Variants in ALCAM observed in about 807,000 individuals in gnomAD.
The protein encoded by ALCAM is activated leukocyte cell adhesion molecule.
Under a neutral mutation model 70.9 loss-of-function variants are expected in ALCAM, and 30 were observed. The ratio of observed to expected loss-of-function variants is 0.42; its 90% CI spans 0.32 to 0.57. ALCAM has a LOEUF of 0.57. Ranked by LOEUF, ALCAM falls within the 20% of genes least tolerant of loss-of-function variation. ALCAM has a pLI of 0.11. For missense variants in ALCAM, 591 were observed against 695.1 expected, an observed-to-expected ratio of 0.85 and a Z score of 1.68; for synonymous variants, 249 against 242.5, an observed-to-expected ratio of 1.03 and a Z score of -0.25.
intron 1 of ALCAM, among the ~76,000 whole-genome samples, chr3:105,380,244 C>G (rs1195549864): frequency 6.6e-6 from 1 of 151,674 alleles, no homozygotes; most frequent in African/African-American, 2.4e-5. Context: ...ATCATCTTAT[C>G]TATTATTACT....
In ALCAM at chr3:105,389,656, G is replaced by A. The variant is rs1935760175; in HGVS notation, c.73+22175G>A. Among the ~76,000 whole-genome samples, 2 of 151,516 alleles carry A rather than the reference G, an allele frequency of 1.3e-5. 1 individual carries two copies. The highest frequency in any genetic ancestry group is 4.8e-5 in the African/African-American group (2 of 41,390). ...TGTTAAATAGGTAAATGTGTGGCAT[G>A]GTGATTTGCTGCACCTATCAACACA... On this transcript the variant is annotated intron_variant, in intron 1 of 15. Coordinates refer to ENST00000306107, the MANE Select transcript of ALCAM (RefSeq NM_001627.4).
intron 14 of ALCAM, among the ~76,000 whole-genome samples, chr3:105,554,225 T>C (rs771530048): frequency 2.6e-5 from 4 of 151,876 alleles, no homozygotes; most frequent in Non-Finnish European, 4.4e-5. Flanking sequence ...TTCCAGGCTA[T>C]GTCCAAAAGC....
At chr3:105,553,545 A>G (rs767920797) in intron 14 of ALCAM, among the ~76,000 whole-genome samples, 7 of 151,804 alleles carry the variant, frequency 4.6e-5, no homozygotes, top group African/African-American at 7.2e-5. Flanking sequence ...AGTTGACTTA[A>G]AAGAGAATCA....
At chr3:105,450,277 T>C (rs1937396292) in intron 1 of ALCAM, among the ~76,000 whole-genome samples, 1 of 152,140 alleles carries the variant, frequency 6.6e-6, no homozygotes, top group East Asian at 1.9e-4. Flanking sequence ...TTCTTCCTTT[T>C]CTCTTACTAT....
At chr3:105,556,589 A>T (rs1940522406) in intron 14 of ALCAM, among the ~76,000 whole-genome samples, 1 of 152,020 alleles carries the variant, frequency 6.6e-6, no homozygotes. Context: ...CTGAAGGGCT[A>T]AAGAGGACTT....
chr3:105,570,200 T>G (rs927737132), intron 14 of ALCAM, among the ~76,000 whole-genome samples: 2 of 152,102 alleles, frequency 1.3e-5, no homozygotes, highest in Non-Finnish European at 2.9e-5. Flanking sequence ...ATAACTGAAT[T>G]ATTTGAATAT....
At position 105,524,358 on chromosome 3, in the gene ALCAM, G is replaced by A. The variant is rs368193586; in HGVS notation, c.244G>A (p.Asp82Asn). The change falls in exon 3 of 16, where the codon GAT (aspartate) becomes AAT (asparagine). Residue 82 changes from aspartate (D) to asparagine (N), a missense_variant. Physicochemically the swap from Asp to Asn is conservative, Grantham distance 23. Transcript: ENST00000306107. The part of the protein sequence containing the change: ...SSTKKSVQYD[D>N]VPEYKDRLNL... The stretch of plus-strand genomic sequence containing the variant: ...TACAAAGAAAAGTGTGCAGTACGAC[G>A]ATGTACCAGAATACAAAGACAGATT... 35 of 1,613,976 alleles carry A rather than the reference G, an allele frequency of 2.2e-5. No individual in the cohort carries two copies. The highest frequency in any genetic ancestry group is 3.3e-5 in the South Asian group (3 of 91,072).
In ALCAM at chr3:105,503,882, C is replaced by G. The variant is rs546355531; in HGVS notation, c.74-16185C>G. On this transcript the variant is annotated intron_variant, in intron 1 of 15. Transcript: ENST00000306107. ...TCTTTCCACTTGAAGAAATTCTTAT[C>G]TGTGATGATTCAGTATAAATGTCCA... 4.6e-5 allele frequency among the ~76,000 whole-genome samples: 7 copies of G among 152,230 alleles called. No individual in the cohort carries two copies. In the East Asian group the frequency reaches 9.7e-4, roughly 21 times the overall value.
At chr3:105,520,002 GA>G in intron 1 of ALCAM, 64 bp from the exon 2 acceptor site, 2 of 1,048,526 alleles carry the variant, frequency 1.9e-6, no homozygotes, top group South Asian at 3.0e-5. Flanking sequence ...GTCATTTCAA[GA>G]AAGCATTTAA....
intron 1 of ALCAM, among the ~76,000 whole-genome samples, chr3:105,500,120 T>G (rs1344779915): frequency 6.6e-6 from 1 of 151,836 alleles, no homozygotes; most frequent in Non-Finnish European, 1.5e-5. Flanking sequence ...TCAGTTAATG[T>G]CTCCCAAATT....
At chr3:105,568,626 G>A (rs544757443) in intron 14 of ALCAM, among the ~76,000 whole-genome samples, 17 of 152,080 alleles carry the variant, frequency 1.1e-4, no homozygotes, top group Non-Finnish European at 1.9e-4. Context: ...TAGTGTATAC[G>A]CAAATTTGGA....
intron 1 of ALCAM, among the ~76,000 whole-genome samples, chr3:105,483,642 A>G (rs1184043244): frequency 6.6e-6 from 1 of 152,154 alleles, no homozygotes; most frequent in Non-Finnish European, 1.5e-5. Context: ...AGTGTTGCCA[A>G]AGCTGGATAT....
Position 105,380,953 on chromosome 3 carries a change from A to G in ALCAM, c.73+13472A>G, listed in dbSNP as rs116112237. On this transcript the variant is annotated intron_variant, in intron 1 of 15. Coordinates refer to ENST00000306107, the MANE Select transcript of ALCAM (RefSeq NM_001627.4). ...CATTTTATTGTGCTTACTTTCCATTATAGATCAGAGTTTGAGAATATGGTG... is the reference window on the plus strand; with the variant it reads ...CATTTTATTGTGCTTACTTTCCATTGTAGATCAGAGTTTGAGAATATGGTG... Among the ~76,000 whole-genome samples the G allele has an allele frequency of 5.7e-3, 862 of 152,034 alleles. 7 individuals are homozygous for G. Among genetic ancestry groups the G allele is most frequent in the African/African-American group, 0.02 (831 of 41,516 alleles).
intron 14 of ALCAM, among the ~76,000 whole-genome samples, chr3:105,566,045 A>G (rs1940737181): frequency 6.6e-6 from 1 of 152,218 alleles, no homozygotes; most frequent in South Asian, 2.1e-4. Flanking sequence ...GAAATCACAC[A>G]GATCAGAGTA....
chr3:105,489,146 G>T (rs1938511497), intron 1 of ALCAM, among the ~76,000 whole-genome samples: 1 of 152,168 alleles, frequency 6.6e-6, no homozygotes, highest in Admixed American at 6.5e-5. Context: ...AGTAATGGAA[G>T]TTCATCCCTG....
chr3:105,519,048 T>C (rs963663432), intron 1 of ALCAM, among the ~76,000 whole-genome samples: 21 of 151,602 alleles, frequency 1.4e-4, no homozygotes, highest in African/African-American at 4.6e-4. Context: ...ATATCATTTG[T>C]TTTTTTCTCT....
In ALCAM at chr3:105,550,140, C is replaced by A. The variant is rs1451975817; in HGVS notation, c.1388C>A (p.Pro463His). 1 of 1,591,826 alleles carries A rather than the reference C, an allele frequency of 6.3e-7. No individual in the cohort carries two copies. Among genetic ancestry groups the A allele is most frequent in the Non-Finnish European group, 8.6e-7 (1 of 1,164,052 alleles). Residue 463 changes from proline (P) to histidine (H), a missense_variant, in exon 12 of 16, where the codon CCT becomes CAT. This residue lies in a region of ALCAM where 164 missense variants were observed against 244.7 expected (regional missense o/e 0.67). Transcript: ENST00000306107. ...GSVINQTEESPYINGRYYSKI... is the reference protein window; with the variant it reads ...GSVINQTEESHYINGRYYSKI... ...TTCTTTTTCCAGACAGAGGAATCTC[C>A]TTATATTAATGGCAGGTATTATAGT...
intron 14 of ALCAM, among the ~76,000 whole-genome samples, chr3:105,554,843 G>A (rs745373413): frequency 8.3e-4 from 126 of 151,498 alleles, no homozygotes; most frequent in Non-Finnish European, 1.0e-3. Context: ...TGCGTTCTAG[G>A]GTATTTTCAT....
intron 1 of ALCAM, among the ~76,000 whole-genome samples, chr3:105,497,238 T>C (rs1576202528): frequency 6.6e-6 from 1 of 152,174 alleles, no homozygotes; most frequent in Non-Finnish European, 1.5e-5. Context: ...GAAATAATTT[T>C]TCTTTAAATA....
Sources: allele counts gnomAD v4.1 joint callset (sites outside exome capture counted in the v4.1 genomes callset), GRCh38; gene constraint gnomAD v4.1.1; regional missense constraint gnomAD v4.1.1; transcripts MANE v1.5; gene names NCBI Gene and HGNC (gene_info 2026-07-23, HGNC 2026-07-21).